The following ERP44 variants were observed in gnomAD, a reference collection of about 807,000 sequenced individuals.
ERP44 encodes the protein endoplasmic reticulum protein 44, also known as endoplasmic reticulum resident protein 44.
Under a neutral mutation model 53.4 loss-of-function variants are expected in ERP44, and 25 were observed. That is an observed-to-expected ratio of 0.47 (90% confidence interval 0.34 to 0.65). ERP44 has a LOEUF of 0.65. Among genes scored for constraint, ERP44 ranks in the 30% least tolerant of loss-of-function variants. ERP44 has a pLI of 0.01. For missense variants in ERP44, 338 were observed against 493.2 expected, an observed-to-expected ratio of 0.69 and a Z score of 2.98; for synonymous variants, 145 against 161.2, an observed-to-expected ratio of 0.90 and a Z score of 0.76.
chr9:100,015,902 C>A (rs552784161), intron 8 of ERP44, among the ~76,000 whole-genome samples: 7 of 152,222 alleles, frequency 4.6e-5, no homozygotes, highest in African/African-American at 1.7e-4. Flanking sequence ...TGCCACTGAT[C>A]TGACAGGAGG....
chr9:99,999,173 TC>T, intron 10 of ERP44: 1 of 482,200 alleles, frequency 2.1e-6, no homozygotes, highest in African/African-American at 2.4e-5. Flanking sequence ...CCCGACCCTG[TC>T]CCCCGCCCCT....
chr9:100,049,029 A>T (rs989050633), intron 4 of ERP44, among the ~76,000 whole-genome samples: 5 of 152,072 alleles, frequency 3.3e-5, no homozygotes, highest in African/African-American at 4.8e-5. Flanking sequence ...CAATTTTTTT[A>T]AAAAAATACA....
At chr9:100,052,326 A>AAAAAG (rs751064543) in intron 4 of ERP44, 91 bp downstream of exon 4, 26 of 603,444 alleles carry the variant, frequency 4.3e-5, no homozygotes, top group East Asian at 1.2e-4. Context: ...AAAAGGAAAA[A>AAAAAG]AAAAGAAAAG....
chr9:99,997,118 G>C lies in ERP44; in HGVS notation c.1016+9388C>G, dbSNP rs771109897. On this transcript the variant is annotated intron_variant, in intron 10 of 11. Coordinates refer to ENST00000262455, the MANE Select transcript of ERP44 (RefSeq NM_015051.3). Reference sequence around the variant, plus strand: ...GTGCTGCTATAAACATGCGTGCGAAGTATCTTTTTCATATAATGACTTCCT... The same window carrying C: ...GTGCTGCTATAAACATGCGTGCGAACTATCTTTTTCATATAATGACTTCCT... Among the ~76,000 whole-genome samples, 5 of 152,088 alleles carry C rather than the reference G, an allele frequency of 3.3e-5. No individual in the cohort carries two copies. The South Asian group carries it at 6.2e-4, about 19-fold the overall frequency.
At chr9:100,028,558 A>T (rs1830677785) in intron 4 of ERP44, among the ~76,000 whole-genome samples, 2 of 152,392 alleles carry the variant, frequency 1.3e-5, no homozygotes, top group South Asian at 4.1e-4. Context: ...AGAAGAAAAC[A>T]AGAACCACTT....
Position 99,979,781 on chromosome 9 carries a change from A to G in ERP44, c.*2831T>C, listed in dbSNP as rs1830128126. On this transcript the variant is annotated 3_prime_UTR_variant, in exon 12 of 12. Coordinates refer to ENST00000262455, the MANE Select transcript of ERP44 (RefSeq NM_015051.3). ...AAACCGGGGAAGACTTCTACCTGAAATGGTCTGATTCACGGTTCAGAGGGG... is the reference window on the plus strand; with the variant it reads ...AAACCGGGGAAGACTTCTACCTGAAGTGGTCTGATTCACGGTTCAGAGGGG... 10 of 393,032 alleles carry G rather than the reference A, an allele frequency of 2.5e-5. No individual in the cohort carries two copies. In the Admixed American group the frequency reaches 4.5e-4, roughly 18 times the overall value. 24.3% of individuals were successfully genotyped at this position (393,032 alleles called of 1,614,324 possible). A position where few individuals can be genotyped will look rare whatever the true frequency, so the allele number is the denominator to read the frequency against.
intron 1 of ERP44, among the ~76,000 whole-genome samples, chr9:100,080,349 T>C (rs1200089709): frequency 6.6e-6 from 1 of 152,182 alleles, no homozygotes; most frequent in African/African-American, 2.4e-5. Flanking sequence ...GAACATCTGC[T>C]CACCTTTCTC....
intron 10 of ERP44, among the ~76,000 whole-genome samples, chr9:100,001,749 G>A (rs1830380285): frequency 6.6e-6 from 1 of 152,090 alleles, no homozygotes; most frequent in Admixed American, 6.5e-5. Flanking sequence ...TTATAGTTGG[G>A]TATTGGCTTT....
chr9:100,018,645 C>G (rs2118650299), intron 6 of ERP44, among the ~76,000 whole-genome samples: 1 of 152,056 alleles, frequency 6.6e-6, no homozygotes, highest in East Asian at 1.9e-4. Flanking sequence ...ACGAAATAAC[C>G]CACATCACTA....
chr9:100,073,122 G>C (rs1034475580), intron 1 of ERP44, among the ~76,000 whole-genome samples: 6 of 152,118 alleles, frequency 3.9e-5, no homozygotes, highest in Non-Finnish European at 7.3e-5. Flanking sequence ...TCAGTCAAGA[G>C]GCAGATGATT....
At chr9:100,049,945 T>C in intron 4 of ERP44, among the ~76,000 whole-genome samples, 1 of 151,858 alleles carries the variant, frequency 6.6e-6, no homozygotes, top group East Asian at 1.9e-4. Flanking sequence ...GATAAACAAA[T>C]TGTGGTATAT....
At position 100,092,858 on chromosome 9, in the gene ERP44, G is replaced by C. The variant is rs572736438; in HGVS notation, c.57+5926C>G. ...TTACAAAAACACTCACTACTGATGA[G>C]AGTGTGAGGAAGTGGGCATAGTCAC... On this transcript the variant is annotated intron_variant, in intron 1 of 11. Transcript: ENST00000262455. Among the ~76,000 whole-genome samples, 323 of 152,320 alleles carry C rather than the reference G, an allele frequency of 2.1e-3. 2 individuals are homozygous for C. Among genetic ancestry groups the C allele is most frequent in the Non-Finnish European group, 3.8e-3 (260 of 68,026 alleles).
chr9:99,985,105 A>T, intron 10 of ERP44, 36 bp from the exon 11 acceptor site: 2 of 1,384,036 alleles, frequency 1.4e-6, no homozygotes, highest in Non-Finnish European at 2.1e-6. Flanking sequence ...AAACTGTTAA[A>T]ATGGACTTAT....
At chr9:99,995,206 A>G (rs916424469) in intron 10 of ERP44, among the ~76,000 whole-genome samples, 20 of 152,180 alleles carry the variant, frequency 1.3e-4, no homozygotes, top group Admixed American at 7.9e-4. Flanking sequence ...TAACCTGTAT[A>G]CTGCTCAAAT....
At chr9:100,020,562 A>C (rs1024144479) in intron 6 of ERP44, 54 bp downstream of exon 6, 1 of 891,332 alleles carries the variant, frequency 1.1e-6, no homozygotes, top group Non-Finnish European at 1.9e-6. Context: ...TACAACAGCA[A>C]TTTAACATGG....
chr9:100,064,113 T>C (rs896328481), intron 1 of ERP44, among the ~76,000 whole-genome samples: 1 of 152,236 alleles, frequency 6.6e-6, no homozygotes, highest in African/African-American at 2.4e-5. Flanking sequence ...TATAGGGTGT[T>C]AACATATTAT....
chr9:100,007,820 C>A lies in ERP44; in HGVS notation c.763-131G>T, dbSNP rs113490286. 501 of 650,826 alleles carry A rather than the reference C, an allele frequency of 7.7e-4. 4 individuals are homozygous for A. In the African/African-American group the frequency reaches 8.2e-3, roughly 11 times the overall value. 40.3% of individuals were successfully genotyped at this position (650,826 alleles called of 1,614,324 possible). ...GCAATATCCCGGGGGAAAAAAAAGGCCCAGTGGTGTGAATAAACATTAGCC... is the reference window on the plus strand; with the variant it reads ...GCAATATCCCGGGGGAAAAAAAAGGACCAGTGGTGTGAATAAACATTAGCC... On this transcript the variant is annotated intron_variant, in intron 8 of 11. Transcript: ENST00000262455.
intron 4 of ERP44, among the ~76,000 whole-genome samples, chr9:100,031,161 G>A (rs1825783182): frequency 6.7e-6 from 1 of 150,104 alleles, no homozygotes; most frequent in Admixed American, 6.7e-5. Context: ...TGGAAAACTG[G>A]TTAATTACAG....
chr9:100,075,387 G>A (rs1021637226), intron 1 of ERP44, among the ~76,000 whole-genome samples: 2 of 152,202 alleles, frequency 1.3e-5, no homozygotes, highest in African/African-American at 4.8e-5. Flanking sequence ...CCTTCAGCTG[G>A]CAAGGCCAGC....
Sources: gnomAD v4.1 joint callset for allele counts (sites outside exome capture counted in the v4.1 genomes callset) on GRCh38, gnomAD v4.1.1 for gene constraint, MANE v1.5 for transcripts, NCBI Gene and HGNC (gene_info 2026-07-23, HGNC 2026-07-21) for gene names.